Variants in TGM4 observed in about 807,000 individuals in gnomAD.
TGM4 encodes transglutaminase 4.
Under a neutral mutation model 76.3 loss-of-function variants are expected in TGM4, and 61 were observed. The ratio of observed to expected loss-of-function variants is 0.80; its 90% confidence interval spans 0.65 to 0.99. The LOEUF is 0.99. Among genes scored for constraint, TGM4 ranks in the 50% least tolerant of loss-of-function variants. The pLI is 0.00. For missense variants in TGM4, 794 were observed against 843.2 expected (o/e 0.94, Z 0.72); for synonymous variants, 337 against 329.8 (o/e 1.02, Z -0.24).
In TGM4 at chr3:44,886,638, C is replaced by A. The variant is rs377161249; in HGVS notation, c.194-1051C>A. Reference sequence around the variant, plus strand: ...TGTGCATTCCCTCACCCAAAATTTCCTGAGTACTTGCCACATGCCAGGTGT... The same window carrying A: ...TGTGCATTCCCTCACCCAAAATTTCATGAGTACTTGCCACATGCCAGGTGT... On this transcript the variant is annotated intron_variant, in intron 2 of 13. Coordinates refer to ENST00000296125, the MANE Select transcript of TGM4 (RefSeq NM_003241.4). Among the ~76,000 whole-genome samples, 251 of 152,330 alleles carry A rather than the reference C, an allele frequency of 1.6e-3. 1 individual carries two copies. The highest frequency in any genetic ancestry group is 5.7e-3 in the African/African-American group (236 of 41,580).
intron 1 of TGM4, among the ~76,000 whole-genome samples, chr3:44,880,927 A>G (rs141387347): frequency 1.6e-4 from 24 of 152,312 alleles, no homozygotes; most frequent in Admixed American, 3.3e-4. Context: ...AAAAATTTTC[A>G]AAATGGTAGT....
At position 44,893,653 on chromosome 3, in the gene TGM4, G is replaced by A; in HGVS notation, c.507G>A (p.Gly169=). 1.9e-6 allele frequency: 3 copies of A among 1,613,882 alleles called. No individual in the cohort carries two copies. Among genetic ancestry groups the A allele is most frequent in the Non-Finnish European group, 1.7e-6 (2 of 1,179,862 alleles). Residue 169 remains glycine, a synonymous_variant, in exon 5 of 14, where the codon GGG becomes GGA. Transcript: ENST00000296125. ...ILNDTGCHYV[G]AARSIKCKPW... is the part of the protein sequence containing the mutation. ...ATGACACGGGCTGCCATTACGTGGG[G>A]GCTGCCAGAAGTATCAAATGCAAAC...
intron 2 of TGM4, among the ~76,000 whole-genome samples, chr3:44,885,912 A>G (rs1699601372): frequency 6.6e-6 from 1 of 152,244 alleles, no homozygotes; most frequent in Non-Finnish European, 1.5e-5. Context: ...GAAATGGCTC[A>G]TGCATTTGTT....
intron 1 of TGM4, among the ~76,000 whole-genome samples, chr3:44,877,575 G>A: frequency 6.6e-6 from 1 of 151,682 alleles, no homozygotes; most frequent in Middle Eastern, 3.2e-3. Flanking sequence ...CTGGGTGACA[G>A]GCCAAGACTC....
chr3:44,902,497 G>C (rs1699868133), intron 8 of TGM4, among the ~76,000 whole-genome samples: 1 of 152,206 alleles, frequency 6.6e-6, no homozygotes, highest in African/African-American at 2.4e-5. Flanking sequence ...CTACTTGGTA[G>C]GCTGAGGCAG....
At chr3:44,883,954 C>T (rs1699565395) in intron 1 of TGM4, among the ~76,000 whole-genome samples, 1 of 152,184 alleles carries the variant, frequency 6.6e-6, no homozygotes, top group African/African-American at 2.4e-5. Flanking sequence ...CCCTGCATCT[C>T]ACCTCACTTT....
rs570036919 is a variant in TGM4, at chr3:44,877,593, T to TAA, written c.19+2907_19+2908dup. On this transcript the variant is annotated intron_variant, in intron 1 of 13. Coordinates refer to ENST00000296125, the MANE Select transcript of TGM4 (RefSeq NM_003241.4). ...GGTGACAGGCCAAGACTCTGTCTCTTAAAAAAAAAAAAGGTTATATAAAAG... is the reference window on the plus strand; with the variant it reads ...GGTGACAGGCCAAGACTCTGTCTCTTAAAAAAAAAAAAAAGGTTATATAAAAG... 4.9e-4 allele frequency among the ~76,000 whole-genome samples: 71 copies of TAA among 143,822 alleles called. 2 individuals carry two copies. Among genetic ancestry groups the TAA allele is most frequent in the Non-Finnish European group, 1.0e-3 (66 of 65,078 alleles). 94.4% of individuals were successfully genotyped at this position (143,822 alleles called of 152,430 possible). A position where few individuals can be genotyped will look rare whatever the true frequency, so the allele number is the denominator to read the frequency against.
At chr3:44,902,019 G>A in intron 8 of TGM4, 88 bp downstream of exon 8, 9 of 1,508,372 alleles carry the variant, frequency 6.0e-6, no homozygotes, top group Non-Finnish European at 7.2e-6. Flanking sequence ...TCGCTAGTTT[G>A]CCCAGGCTGG....
At chr3:44,884,633 C>T (rs1699575667) in intron 1 of TGM4, among the ~76,000 whole-genome samples, 4 of 152,112 alleles carry the variant, frequency 2.6e-5, no homozygotes, top group Admixed American at 2.6e-4. Context: ...CTGCACCTGG[C>T]CTTAAAAATC....
chr3:44,905,399 C>T (rs1306162050), intron 9 of TGM4, among the ~76,000 whole-genome samples: 2 of 152,172 alleles, frequency 1.3e-5, no homozygotes, highest in African/African-American at 2.4e-5. Context: ...AGGGACCAGC[C>T]GGCCCCTCCC....
In TGM4 at chr3:44,913,981, T is replaced by C; in HGVS notation, c.*256T>C. On this transcript the variant is annotated 3_prime_UTR_variant, in exon 14 of 14. Transcript: ENST00000296125. ...CCCATCCCTTTCCTGAGTCATGGCC[T>C]CAAAAATCAGGGCCACCATTGTCTC... 2.5e-6 allele frequency: 1 copy of C among 395,406 alleles called. No homozygotes were observed. The highest frequency in any genetic ancestry group is 4.3e-5 in the Admixed American group (1 of 23,358). 24.5% of individuals were successfully genotyped at this position (395,406 alleles called of 1,614,324 possible). A position where few individuals can be genotyped will look rare whatever the true frequency, so the allele number is the denominator to read the frequency against.
intron 13 of TGM4, among the ~76,000 whole-genome samples, chr3:44,912,742 A>T (rs1700021252): frequency 1.3e-5 from 2 of 152,064 alleles, no homozygotes; most frequent in African/African-American, 4.8e-5. Flanking sequence ...ATTTTTTTCC[A>T]GTCTTTTTTA....
intron 4 of TGM4, 120 bp downstream of exon 4, chr3:44,890,852 G>T: frequency 1.5e-6 from 2 of 1,299,330 alleles, no homozygotes; most frequent in Non-Finnish European, 2.1e-6. Flanking sequence ...TAGTTTAAGG[G>T]ATGTGACCCA....
intron 10 of TGM4, 110 bp downstream of exon 10, chr3:44,907,310 C>CA (rs3082589): frequency 0.023 from 15,116 of 654,992 alleles, 2 homozygotes; most frequent in Non-Finnish European, 0.027. Context: ...CCATCCCTAC[C>CA]AAAAAAAAAA....
intron 3 of TGM4, 127 bp from the exon 4 acceptor site, chr3:44,890,476 C>A (rs1213824325): frequency 1.0e-5 from 14 of 1,377,094 alleles, no homozygotes; most frequent in Non-Finnish European, 1.4e-5. Flanking sequence ...CCTGACCATT[C>A]CTTGTCTCCA....
At chr3:44,891,923 C>T (rs886923159) in intron 4 of TGM4, among the ~76,000 whole-genome samples, 2 of 145,766 alleles carry the variant, frequency 1.4e-5, no homozygotes, top group Non-Finnish European at 3.0e-5. Flanking sequence ...TGCAGTGAGC[C>T]GAGATTGCAC....
intron 5 of TGM4, among the ~76,000 whole-genome samples, chr3:44,894,102 AC>A: frequency 6.6e-5 from 1 of 15,140 alleles, no homozygotes; most frequent in Admixed American, 9.2e-4. Flanking sequence ...GCTCTCTTCC[AC>A]CCCCCACGGC....
At chr3:44,896,620 TG>T (rs1357509773) in intron 5 of TGM4, 88 bp from the exon 6 acceptor site, 6 of 1,204,010 alleles carry the variant, frequency 5.0e-6, no homozygotes, top group Non-Finnish European at 7.4e-6. Flanking sequence ...CGCTACAGGG[TG>T]GCTGTGACAT....
Position 44,903,948 on chromosome 3 carries a change from T to C in TGM4, c.1036T>C (p.Trp346Arg). The change falls in exon 9 of 14, where the codon TGG becomes CGG. Residue 346 changes from tryptophan (W) to arginine (R), a missense_variant. Transcript: ENST00000296125. ...RPDLPKGYDG[W>R]QAVDATPQER... ...GGATCTGCCCAAGGGCTACGACGGC[T>C]GGCAGGCTGTGGACGCAACGCCGCA... 1 of 1,614,160 alleles carries C rather than the reference T, an allele frequency of 6.2e-7. No homozygotes were observed. Among genetic ancestry groups the C allele is most frequent in the Non-Finnish European group, 8.5e-7 (1 of 1,180,042 alleles).
Sources: allele counts gnomAD v4.1 joint callset (sites outside exome capture counted in the v4.1 genomes callset), GRCh38; gene constraint gnomAD v4.1.1; transcripts MANE v1.5; gene names NCBI Gene and HGNC (gene_info 2026-07-23, HGNC 2026-07-21).